The following DNAJC5 variants were observed in gnomAD, a reference collection of about 807,000 sequenced individuals.
DNAJC5 encodes DnaJ heat shock protein family (Hsp40) member C5, also known as dnaJ homolog subfamily C member 5.
In DNAJC5, 1 loss-of-function variant was observed where a neutral mutation model predicts 23.2. The ratio of observed to expected loss-of-function variants is 0.04; its 90% CI spans 0.02 to 0.20. The LOEUF (loss-of-function observed/expected upper bound fraction) is 0.20, where lower values mean the gene tolerates loss of function less well. Among genes scored for constraint, DNAJC5 ranks in the 10% least tolerant of loss-of-function variants. The pLI, the probability that DNAJC5 is intolerant of heterozygous loss-of-function variation, is 1.00. For missense variants in DNAJC5, 180 were observed against 267.0 expected (o/e 0.67, Z 2.27); for synonymous variants, 136 against 120.0 (o/e 1.13, Z -0.87).
chr20:63,901,157 G>T (rs1302966905), intron 1 of DNAJC5, among the ~76,000 whole-genome samples: 1 of 152,166 alleles, frequency 6.6e-6, no homozygotes, highest in Non-Finnish European at 1.5e-5. Context: ...TAGAGATGGG[G>T]TTTCACCATG....
rs896910943 is a variant in DNAJC5 at position 63,931,739 on chromosome 20, G to A, written c.*171G>A. 5 of 683,030 alleles carry A rather than the reference G, an allele frequency of 7.3e-6. No individual in the cohort carries two copies. The highest frequency in any genetic ancestry group is 4.3e-5 in the Admixed American group (2 of 46,232). 42.3% of individuals were successfully genotyped at this position (683,030 alleles called of 1,614,324 possible). Reference sequence around the variant, plus strand: ...CGTCGACCCTTGACCCACGAAGTGCGTAGCATGCAGTATTTAAAGCAGTGT... The same window carrying A: ...CGTCGACCCTTGACCCACGAAGTGCATAGCATGCAGTATTTAAAGCAGTGT... On this transcript the variant is annotated 3_prime_UTR_variant, in exon 5 of 5. Coordinates refer to ENST00000360864, the MANE Select transcript of DNAJC5 (RefSeq NM_025219.3). This position sits in a 1 kb window ranked among gnomAD's most constrained non-coding sequence, Gnocchi z 9.6.
At chr20:63,926,805 G>C (rs1204376768) in intron 1 of DNAJC5, among the ~76,000 whole-genome samples, 3 of 152,210 alleles carry the variant, frequency 2.0e-5, no homozygotes, top group Non-Finnish European at 4.4e-5. Flanking sequence ...CCCAGCTCAG[G>C]TGCTGCTCTT....
At chr20:63,900,576 CAAAAA>C (rs752326573) in intron 1 of DNAJC5, among the ~76,000 whole-genome samples, 5 of 65,284 alleles carry the variant, frequency 7.7e-5, no homozygotes, top group East Asian at 4.5e-4. Context: ...GACACTGTCT[CAAAAA>C]AAAAAAAAAA....
At chr20:63,908,657 T>C (rs1189674143) in intron 1 of DNAJC5, among the ~76,000 whole-genome samples, 1 of 152,224 alleles carries the variant, frequency 6.6e-6, no homozygotes, top group African/African-American at 2.4e-5. Flanking sequence ...GATAAAGTTC[T>C]AGCCTGGCAC....
At chr20:63,923,499 G>A (rs181913069) in intron 1 of DNAJC5, among the ~76,000 whole-genome samples, 91 of 152,162 alleles carry the variant, frequency 6.0e-4, no homozygotes, top group Non-Finnish European at 1.2e-3. Flanking sequence ...AGCACTTTGG[G>A]AGGCTGTAGC....
intron 1 of DNAJC5, chr20:63,908,822 G>A (rs538851053): frequency 6.6e-6 from 1 of 152,314 alleles, no homozygotes; most frequent in East Asian, 1.9e-4. Flanking sequence ...AAAGAGGCTA[G>A]GCGCAGTGGC....
Position 63,931,481 on chromosome 20 carries a change from G to A in DNAJC5, c.510G>A (p.Pro170=), listed in dbSNP as rs369508682. The part of the protein sequence containing the change: ...QSDEREATDT[P]IVIQPASATE... ...GCTTTTCAGAGGCCACAGACACGCC[G>A]ATCGTCATACAGCCGGCATCCGCCA... The change falls in exon 5 of 5, where the codon CCG becomes CCA. Residue 170 remains proline, a synonymous_variant. Coordinates refer to ENST00000360864, the MANE Select transcript of DNAJC5 (RefSeq NM_025219.3). This position sits in a 1 kb window ranked among gnomAD's most constrained non-coding sequence, Gnocchi z 9.6. 13 of 1,568,992 alleles carry A rather than the reference G, an allele frequency of 8.3e-6. No individual in the cohort carries two copies. The highest frequency in any genetic ancestry group is 2.4e-5 in the East Asian group (1 of 42,496).
rs938627272 is a variant in DNAJC5 at position 63,933,546 on chromosome 20, C to T, written c.*1978C>T. 2.0e-5 allele frequency: 3 copies of T among 152,318 alleles called. No homozygotes were observed. Among genetic ancestry groups the T allele is most frequent in the East Asian group, 1.9e-4 (1 of 5,338 alleles). The allele number at this position is 152,318 out of a possible 1,614,324, so 9.4% of individuals were successfully genotyped here. A position where few individuals can be genotyped will look rare whatever the true frequency, so the allele number is the denominator to read the frequency against. On this transcript the variant is annotated 3_prime_UTR_variant, in exon 5 of 5. Transcript: ENST00000360864. ...TTAGAAATAATTTATCAAAATCAGA[C>T]CTCTCCTAAAAGAATAAGAAATTCA...
At chr20:63,905,568 ATT>A (rs543822378) in intron 1 of DNAJC5, among the ~76,000 whole-genome samples, 65 of 129,996 alleles carry the variant, frequency 5.0e-4, no homozygotes, top group Admixed American at 5.6e-4. Flanking sequence ...CACATGGCAG[ATT>A]TTTTTTTTTT....
intron 1 of DNAJC5, among the ~76,000 whole-genome samples, chr20:63,907,159 A>G (rs1600863366): frequency 1.3e-5 from 2 of 152,302 alleles, no homozygotes; most frequent in East Asian, 3.9e-4. Flanking sequence ...CTTGATGTAC[A>G]AGAAAATAAG....
At chr20:63,907,939 TG>T (rs1256324662) in intron 1 of DNAJC5, among the ~76,000 whole-genome samples, 1 of 152,146 alleles carries the variant, frequency 6.6e-6, no homozygotes, top group African/African-American at 2.4e-5. Flanking sequence ...GGCTAATTTT[TG>T]TATTTTTAGT....
chr20:63,931,365 G>T lies in DNAJC5; in HGVS notation c.494-100G>T. ...GGTCAGCGAGTAGCCTCTCCCGGTG[G>T]AGAGTTTGTCCAGGTGCCCGAAAGT... On this transcript the variant is annotated intron_variant, in intron 4 of 4. Transcript: ENST00000360864. This position sits in a 1 kb window ranked among gnomAD's most constrained non-coding sequence, Gnocchi z 9.6. 1 of 1,151,926 alleles carries T rather than the reference G, an allele frequency of 8.7e-7. No homozygotes were observed. Among genetic ancestry groups the T allele is most frequent in the South Asian group, 1.3e-5 (1 of 76,334 alleles). The allele number at this position is 1,151,926 out of a possible 1,614,324, so 71.4% of individuals were successfully genotyped here. A position where few individuals can be genotyped will look rare whatever the true frequency, so the allele number is the denominator to read the frequency against.
rs1387155590 is a variant in DNAJC5 at position 63,935,851 on chromosome 20, G to C, written c.*4283G>C. 1 of 152,234 alleles carries C rather than the reference G, an allele frequency of 6.6e-6. No homozygotes were observed. Among genetic ancestry groups the C allele is most frequent in the Non-Finnish European group, 1.5e-5 (1 of 68,042 alleles). 9.4% of individuals were successfully genotyped at this position (152,234 alleles called of 1,614,324 possible). On this transcript the variant is annotated 3_prime_UTR_variant, in exon 5 of 5. Coordinates refer to ENST00000360864, the MANE Select transcript of DNAJC5 (RefSeq NM_025219.3). ...TGTCCATGCACTGGTTTTGTCACTG[G>C]CGTCCTGGAATCCGACCGTGTTGGG... is the stretch of plus-strand genomic sequence containing the variant.
chr20:63,915,628 C>T (rs1279761884), intron 1 of DNAJC5, among the ~76,000 whole-genome samples: 1 of 152,210 alleles, frequency 6.6e-6, no homozygotes, highest in Non-Finnish European at 1.5e-5. Context: ...ACTGGGGAGC[C>T]TGGCCGTACC....
intron 1 of DNAJC5, among the ~76,000 whole-genome samples, chr20:63,915,835 A>G (rs1172287769): frequency 6.6e-6 from 1 of 152,248 alleles, no homozygotes; most frequent in Non-Finnish European, 1.5e-5. Context: ...TTAAGTTTTT[A>G]AAATTTCCAG....
chr20:63,911,254 A>G (rs189540219), intron 1 of DNAJC5, among the ~76,000 whole-genome samples: 6 of 152,296 alleles, frequency 3.9e-5, no homozygotes, highest in Non-Finnish European at 7.3e-5. Context: ...ATGGTTTTAT[A>G]GTTTCAGGAA....
At chr20:63,909,552 C>T (rs990751430) in intron 1 of DNAJC5, among the ~76,000 whole-genome samples, 3 of 148,102 alleles carry the variant, frequency 2.0e-5, no homozygotes, top group Admixed American at 6.7e-5. Flanking sequence ...AGCAGTGATG[C>T]GTGCCGTAGT....
At chr20:63,925,753 T>G (rs1345484221) in intron 1 of DNAJC5, among the ~76,000 whole-genome samples, 1 of 105,964 alleles carries the variant, frequency 9.4e-6, no homozygotes, top group Non-Finnish European at 1.7e-5. Context: ...CGAGACTATC[T>G]CAAAACCCCA....
In DNAJC5 at chr20:63,929,124, A is replaced by G. The variant is rs1466421184; in HGVS notation, c.108-188A>G. On this transcript the variant is annotated intron_variant, in intron 2 of 4. Coordinates refer to ENST00000360864, the MANE Select transcript of DNAJC5 (RefSeq NM_025219.3). This position sits in a 1 kb window ranked among gnomAD's most constrained non-coding sequence, Gnocchi z 8.6. Reference sequence around the variant, plus strand: ...AGGCTGGGTCAGGGTGAGGAGGTTTACCTGAAACAACCGCGGAGCTTGCTT... The same window carrying G: ...AGGCTGGGTCAGGGTGAGGAGGTTTGCCTGAAACAACCGCGGAGCTTGCTT... Among the ~76,000 whole-genome samples the G allele has an allele frequency of 6.6e-6, 1 of 152,092 alleles. No individual in the cohort carries two copies. The highest frequency in any genetic ancestry group is 1.5e-5 in the Non-Finnish European group (1 of 68,018).
Sources: gnomAD v4.1 joint callset for allele counts (sites outside exome capture counted in the v4.1 genomes callset) on GRCh38, gnomAD v4.1.1 for gene constraint, Gnocchi (gnomAD v3.1) non-coding constraint, MANE v1.5 for transcripts, NCBI Gene and HGNC (gene_info 2026-07-23, HGNC 2026-07-21) for gene names.